The following RPA3 variants were observed in gnomAD, a reference collection of about 807,000 sequenced individuals.
RPA3 encodes the protein replication protein A 14 kDa subunit.
RPA3 carries 24 observed loss-of-function variants against 13.7 expected under a neutral mutation model. The ratio of observed to expected loss-of-function variants is 1.75; its 90% CI spans 1.27 to 2.46. RPA3 has a LOEUF of 2.46. Among genes scored for constraint, RPA3 ranks in the 30% most tolerant of loss-of-function variants. The pLI, the probability that RPA3 is intolerant of heterozygous loss-of-function variation, is 0.00. For synonymous variants in RPA3, 59 were observed against 51.2 expected (o/e 1.15, Z -0.65); for missense variants, 183 against 151.0 (o/e 1.21, Z -1.11).
At chr7:7,652,309 T>C (rs1278488964) in intron 4 of RPA3, among the ~76,000 whole-genome samples, 2 of 152,214 alleles carry the variant, frequency 1.3e-5, no homozygotes, top group African/African-American at 4.8e-5. Context: ...CCATTGATCA[T>C]GCAGTTCGTG....
intron 4 of RPA3, among the ~76,000 whole-genome samples, chr7:7,646,809 T>TGCACCATTCTGCTGCTCTGCC (rs1563080170): frequency 6.6e-6 from 1 of 152,120 alleles, no homozygotes; most frequent in Non-Finnish European, 1.5e-5. Flanking sequence ...TCTCCTCTGC[T>TGCACCATTCTGCTGCTCTGCC]GCACCATTCT....
chr7:7,697,279 T>A (rs1780344413), intron 2 of RPA3, among the ~76,000 whole-genome samples: 1 of 152,226 alleles, frequency 6.6e-6, no homozygotes, highest in Non-Finnish European at 1.5e-5. Flanking sequence ...TTCTATCTAA[T>A]TATTTTCCCA....
intron 4 of RPA3, chr7:7,676,060 C>T (rs1022015823): frequency 5.0e-6 from 2 of 398,478 alleles, no homozygotes; most frequent in Non-Finnish European, 8.8e-6. Flanking sequence ...CCTCTGTCTT[C>T]GTTCTCTTTT....
At chr7:7,644,844 T>C (rs922701914) in intron 4 of RPA3, among the ~76,000 whole-genome samples, 1 of 152,216 alleles carries the variant, frequency 6.6e-6, no homozygotes, top group Non-Finnish European at 1.5e-5. Flanking sequence ...CTTATGAATT[T>C]CCAGGAAAAA....
At chr7:7,664,030 C>G (rs1779368647) in intron 4 of RPA3, among the ~76,000 whole-genome samples, 1 of 152,134 alleles carries the variant, frequency 6.6e-6, no homozygotes, top group Non-Finnish European at 1.5e-5. Context: ...ACCTGAAGGC[C>G]AAGTCCAGTT....
At chr7:7,691,373 C>T (rs183688331) in intron 2 of RPA3, among the ~76,000 whole-genome samples, 4 of 151,962 alleles carry the variant, frequency 2.6e-5, no homozygotes, top group Admixed American at 2.0e-4. Flanking sequence ...TAAAATAAAC[C>T]AAACATTAAT....
intron 6 of RPA3, chr7:7,638,601 C>T (rs1338168028): frequency 1.3e-5 from 2 of 153,462 alleles, no homozygotes; most frequent in Non-Finnish European, 2.9e-5. Context: ...CATGGTTAAG[C>T]ATGCCTGTAG....
At chr7:7,676,491 A>T (rs1451596085) in intron 4 of RPA3, among the ~76,000 whole-genome samples, 1 of 152,198 alleles carries the variant, frequency 6.6e-6, no homozygotes, top group Admixed American at 6.5e-5. Context: ...TTGTAAAAAA[A>T]GTTATATCAT....
At chr7:7,692,681 C>G (rs866375238) in intron 2 of RPA3, among the ~76,000 whole-genome samples, 27 of 152,170 alleles carry the variant, frequency 1.8e-4, no homozygotes, top group Middle Eastern at 3.2e-3. Context: ...GTGATCTCAG[C>G]TCACTGCAAC....
At chr7:7,675,846 C>T (rs10229371) in intron 4 of RPA3, among the ~76,000 whole-genome samples, 87,894 of 151,970 alleles carry the variant, frequency 0.58, 25,642 homozygotes, top group East Asian at 0.8. Flanking sequence ...AAATCAGGTC[C>T]GCCAGATGTT....
chr7:7,696,900 A>C (rs923599005), intron 2 of RPA3, among the ~76,000 whole-genome samples: 1 of 151,954 alleles, frequency 6.6e-6, no homozygotes, highest in African/African-American at 2.4e-5. Flanking sequence ...TAAGAATAAC[A>C]TAAGACTAGT....
intron 4 of RPA3, among the ~76,000 whole-genome samples, chr7:7,664,613 C>G (rs982678811): frequency 2.0e-5 from 3 of 152,218 alleles, no homozygotes; most frequent in African/African-American, 7.2e-5. Context: ...GTTGATCCTT[C>G]CTACAGGAAA....
chr7:7,646,784 A>T (rs1785105609), intron 4 of RPA3, among the ~76,000 whole-genome samples: 1 of 151,906 alleles, frequency 6.6e-6, no homozygotes, highest in Non-Finnish European at 1.5e-5. Context: ...CGACACTCAG[A>T]TGCTTCCTCT....
chr7:7,640,106 T>C (rs1362537322), intron 5 of RPA3: 11 of 578,012 alleles, frequency 1.9e-5, no homozygotes, highest in East Asian at 8.9e-5. Context: ...AATTTAGAAC[T>C]CAGCATTTGA....
chr7:7,693,696 C>T (rs903513052), intron 2 of RPA3, among the ~76,000 whole-genome samples: 8 of 151,974 alleles, frequency 5.3e-5, no homozygotes, highest in African/African-American at 1.9e-4. Flanking sequence ...TTTATAATGA[C>T]TTTATTACAA....
chr7:7,641,388 G>GTTAGGGTT (rs1784970534), intron 4 of RPA3: 1 of 152,274 alleles, frequency 6.6e-6, no homozygotes, highest in South Asian at 2.1e-4. Context: ...GGTTCCCCGA[G>GTTAGGGTT]CTAGGGTTCT....
intron 4 of RPA3, among the ~76,000 whole-genome samples, chr7:7,646,107 G>A (rs1176534497): frequency 6.6e-6 from 1 of 152,184 alleles, no homozygotes; most frequent in Non-Finnish European, 1.5e-5. Flanking sequence ...TAGCCCTGCC[G>A]TCTGGGAATG....
At chr7:7,666,235 G>T (rs1393203057) in intron 4 of RPA3, among the ~76,000 whole-genome samples, 1 of 151,892 alleles carries the variant, frequency 6.6e-6, no homozygotes, top group African/African-American at 2.4e-5. Context: ...GGGTCTCATA[G>T]CCCTGTCACC....
At chr7:7,702,562 A>G (rs1780487155) in intron 2 of RPA3, among the ~76,000 whole-genome samples, 1 of 152,156 alleles carries the variant, frequency 6.6e-6, no homozygotes, top group Non-Finnish European at 1.5e-5. Flanking sequence ...CATTTTCTGT[A>G]CTTTTCCTGA....
Sources: allele counts gnomAD v4.1 joint callset (sites outside exome capture counted in the v4.1 genomes callset), GRCh38; gene constraint gnomAD v4.1.1; transcripts MANE v1.5; gene names NCBI Gene and HGNC (gene_info 2026-07-23, HGNC 2026-07-21).